SYT9: variants seen among roughly 807,000 people sequenced by gnomAD.
The protein encoded by SYT9 is synaptotagmin-9.
Under a neutral mutation model 48.4 loss-of-function variants are expected in SYT9, and 22 were observed. That is an observed-to-expected ratio of 0.45 (90% CI 0.32 to 0.65). SYT9 has a LOEUF of 0.65. Ranked by LOEUF, SYT9 falls within the 30% of genes least tolerant of loss-of-function variation. SYT9 has a pLI of 0.03. For missense variants in SYT9, 577 were observed against 622.0 expected, an observed-to-expected ratio of 0.93 and a Z score of 0.77; for synonymous variants, 265 against 245.0, an observed-to-expected ratio of 1.08 and a Z score of -0.76.
chr11:7,449,444 A>G (rs1848002597), intron 6 of SYT9, among the ~76,000 whole-genome samples: 1 of 152,086 alleles, frequency 6.6e-6, no homozygotes, highest in Non-Finnish European at 1.5e-5. Flanking sequence ...TGCTACAAAG[A>G]AAGTGTTGTG....
At chr11:7,414,299 G>A (rs1343104967) in intron 3 of SYT9, among the ~76,000 whole-genome samples, 1 of 152,244 alleles carries the variant, frequency 6.6e-6, no homozygotes, top group East Asian at 1.9e-4. Context: ...GATGAGGGGA[G>A]AGGAGAGAGC....
intron 3 of SYT9, among the ~76,000 whole-genome samples, chr11:7,410,919 G>C (rs1847125500): frequency 6.6e-6 from 1 of 152,062 alleles, no homozygotes; most frequent in Admixed American, 6.5e-5. Flanking sequence ...CAATGGCGCA[G>C]TCCCAGCTCA....
rs1848358303 is a variant in SYT9, at chr11:7,467,657, A to ATGTT, written c.*857_*858insTGTT. 2 of 152,306 alleles carry ATGTT rather than the reference A, an allele frequency of 1.3e-5. No individual in the cohort carries two copies. The highest frequency in any genetic ancestry group is 2.4e-5 in the African/African-American group (1 of 41,460). 9.4% of individuals were successfully genotyped at this position (152,306 alleles called of 1,614,324 possible). A position where few individuals can be genotyped will look rare whatever the true frequency, so the allele number is the denominator to read the frequency against. ...AGGCACATTCGTCCACTAAGGGAAC[A>ATGTT]GCCTCAGAAACTGGTACAGCAATGG... On this transcript the variant is annotated 3_prime_UTR_variant, in exon 7 of 7. Transcript: ENST00000318881.
chr11:7,388,756 T>C (rs1344422833), intron 3 of SYT9, among the ~76,000 whole-genome samples: 2 of 152,216 alleles, frequency 1.3e-5, no homozygotes, highest in East Asian at 1.9e-4. Flanking sequence ...TATTTTCAAA[T>C]GTATGGAAAC....
At chr11:7,293,182 A>G (rs1564850380) in intron 1 of SYT9, among the ~76,000 whole-genome samples, 2 of 152,234 alleles carry the variant, frequency 1.3e-5, no homozygotes, top group Non-Finnish European at 1.5e-5. Flanking sequence ...CTTAGTTAAC[A>G]TAGGCAGAAT....
rs142201335 is a variant in SYT9, at chr11:7,276,103, A to T, written c.145+23772A>T. Among the ~76,000 whole-genome samples, 3 of 152,056 alleles carry T rather than the reference A, an allele frequency of 2.0e-5. No homozygotes were observed. In the East Asian group the frequency reaches 5.8e-4, roughly 29 times the overall value. The stretch of plus-strand genomic sequence containing the variant: ...CCCCAGACTGATTTCTGTATGTTTT[A>T]TCTTCATGGGTGACACCAGTCCCAC... On this transcript the variant is annotated intron_variant, in intron 1 of 6. Transcript: ENST00000318881.
chr11:7,268,531 A>G (rs1589899415), intron 1 of SYT9, among the ~76,000 whole-genome samples: 1 of 152,046 alleles, frequency 6.6e-6, no homozygotes. Context: ...TATTAAAAAT[A>G]CTGATGTACT....
intron 3 of SYT9, among the ~76,000 whole-genome samples, chr11:7,355,974 A>C (rs575801939): frequency 8.5e-5 from 13 of 152,338 alleles, no homozygotes; most frequent in Non-Finnish European, 1.6e-4. Context: ...GGAGCTCATG[A>C]GATGTTTCCT....
intron 3 of SYT9, among the ~76,000 whole-genome samples, chr11:7,363,602 A>G (rs1006541813): frequency 2.6e-5 from 4 of 152,202 alleles, no homozygotes; most frequent in Non-Finnish European, 5.9e-5. Context: ...GGTGAAGAGA[A>G]AGCAGTGCCT....
chr11:7,310,890 A>G (rs1414197211), intron 2 of SYT9, among the ~76,000 whole-genome samples: 1 of 152,226 alleles, frequency 6.6e-6, no homozygotes, highest in African/African-American at 2.4e-5. Context: ...CACTTTGGTT[A>G]GGAAGAGCTG....
intron 3 of SYT9, among the ~76,000 whole-genome samples, chr11:7,380,057 A>G (rs1352685374): frequency 6.6e-6 from 1 of 152,160 alleles, no homozygotes; most frequent in Non-Finnish European, 1.5e-5. Context: ...CTATCGAGAG[A>G]TGAATGGATA....
intron 2 of SYT9, among the ~76,000 whole-genome samples, chr11:7,311,995 G>A (rs1315788600): frequency 2.1e-5 from 3 of 141,636 alleles, no homozygotes; most frequent in African/African-American, 7.7e-5. Flanking sequence ...TTCTCTAAAA[G>A]AGATTAAAAT....
At chr11:7,241,696 T>C (rs1360795536) in intron 1 of SYT9, among the ~76,000 whole-genome samples, 5 of 152,256 alleles carry the variant, frequency 3.3e-5, no homozygotes, top group African/African-American at 1.2e-4. Flanking sequence ...TTATAGTCTG[T>C]AGTAAATCAC....
At chr11:7,427,000 A>G (rs1470192108) in intron 6 of SYT9, among the ~76,000 whole-genome samples, 1 of 152,226 alleles carries the variant, frequency 6.6e-6, no homozygotes, top group Non-Finnish European at 1.5e-5. Flanking sequence ...TTCCAAGAAT[A>G]TATGGCGTTT....
intron 1 of SYT9, among the ~76,000 whole-genome samples, chr11:7,246,084 C>A: frequency 6.6e-6 from 1 of 152,068 alleles, no homozygotes; most frequent in Non-Finnish European, 1.5e-5. Context: ...TCTCTTTGTC[C>A]TTCTCTCAAA....
At chr11:7,367,390 A>G (rs1338070254) in intron 3 of SYT9, among the ~76,000 whole-genome samples, 1 of 151,676 alleles carries the variant, frequency 6.6e-6, no homozygotes, top group South Asian at 2.1e-4. Context: ...CTTCCAGGAG[A>G]CCATCTTTAT....
intron 3 of SYT9, among the ~76,000 whole-genome samples, chr11:7,384,158 C>T (rs1204633065): frequency 6.6e-6 from 1 of 151,798 alleles, no homozygotes; most frequent in Non-Finnish European, 1.5e-5. Flanking sequence ...GATAATTATT[C>T]ATGTTTGTAT....
intron 1 of SYT9, among the ~76,000 whole-genome samples, chr11:7,257,138 A>G (rs58829981): frequency 0.019 from 2,958 of 152,260 alleles, 105 homozygotes; most frequent in African/African-American, 0.067. Context: ...GTAGAGAACA[A>G]CCTTTGAGAC....
intron 3 of SYT9, among the ~76,000 whole-genome samples, chr11:7,357,017 G>T (rs370185508): frequency 1.3e-5 from 2 of 152,096 alleles, no homozygotes; most frequent in Non-Finnish European, 2.9e-5. Flanking sequence ...GAACCAAAGG[G>T]GTAAAATCTG....
Sources: allele counts gnomAD v4.1 joint callset (sites outside exome capture counted in the v4.1 genomes callset), GRCh38; gene constraint gnomAD v4.1.1; transcripts MANE v1.5; gene names NCBI Gene and HGNC (gene_info 2026-07-23, HGNC 2026-07-21).